Variants in FRRS1 observed in about 807,000 individuals in gnomAD.
FRRS1 encodes ferric chelate reductase 1.
A neutral mutation model predicts 70.7 loss-of-function variants in FRRS1; 51 were observed. That is an observed-to-expected ratio of 0.72 (90% confidence interval 0.58 to 0.91). The LOEUF (loss-of-function observed/expected upper bound fraction) is 0.91, where lower values mean the gene tolerates loss of function less well. FRRS1 is among the 40% of genes least tolerant of loss of function. FRRS1 has a pLI of 0.00. For missense variants in FRRS1, 672 were observed against 726.0 expected, an observed-to-expected ratio of 0.93 and a Z score of 0.86; for synonymous variants, 225 against 238.7, an observed-to-expected ratio of 0.94 and a Z score of 0.53.
intron 1 of FRRS1, among the ~76,000 whole-genome samples, chr1:99,758,664 G>A (rs1031298697): frequency 1.1e-4 from 16 of 152,082 alleles, no homozygotes; most frequent in East Asian, 1.9e-4. Context: ...CAGAATAACT[G>A]ATTTTTAGGG....
chr1:99,728,453 G>A (rs951283494), intron 9 of FRRS1, 40 bp downstream of exon 9: 10 of 1,497,370 alleles, frequency 6.7e-6, no homozygotes, highest in Middle Eastern at 1.8e-4. Flanking sequence ...GAAGAAGAGA[G>A]AAAAAGACAC....
At chr1:99,731,179 A>T (rs1250492711) in intron 7 of FRRS1, among the ~76,000 whole-genome samples, 1 of 152,250 alleles carries the variant, frequency 6.6e-6, no homozygotes, top group African/African-American at 2.4e-5. Flanking sequence ...GGCACAAAGG[A>T]ATAATCTTGA....
intron 1 of FRRS1, among the ~76,000 whole-genome samples, chr1:99,757,950 GAA>G (rs72040433): frequency 2.3e-4 from 18 of 76,886 alleles, no homozygotes; most frequent in Middle Eastern, 7.4e-3. Flanking sequence ...TGCCTGGGAG[GAA>G]AAAAAAAAAA....
intron 10 of FRRS1, among the ~76,000 whole-genome samples, chr1:99,718,891 T>G (rs1309452050): frequency 6.6e-6 from 1 of 152,172 alleles, no homozygotes; most frequent in East Asian, 1.9e-4. Flanking sequence ...CCAGTAACAC[T>G]TGACCCTGGC....
intron 9 of FRRS1, among the ~76,000 whole-genome samples, chr1:99,720,902 G>A (rs1654786589): frequency 6.8e-6 from 1 of 147,094 alleles, no homozygotes; most frequent in African/African-American, 2.5e-5. Context: ...TTCATTCAAG[G>A]TGCATTTAAA....
At chr1:99,748,516 C>A (rs1311004760) in intron 3 of FRRS1, 57 bp downstream of exon 3, 10 of 1,249,742 alleles carry the variant, frequency 8.0e-6, no homozygotes, top group Admixed American at 3.9e-5. Context: ...AATAAAGATT[C>A]AATAAACAGT....
At chr1:99,742,528 C>A (rs768574244) in intron 4 of FRRS1, among the ~76,000 whole-genome samples, 1 of 152,106 alleles carries the variant, frequency 6.6e-6, no homozygotes, top group African/African-American at 2.4e-5. Context: ...ACACTGGGTA[C>A]GTTAACACTA....
chr1:99,765,389 G>C (rs1354185820), intron 1 of FRRS1: 3 of 149,280 alleles, frequency 2.0e-5, no homozygotes, highest in Non-Finnish European at 3.0e-5. Flanking sequence ...ATGACCTGAC[G>C]CTGGGAGTTC....
At chr1:99,757,968 G>GA (rs1656920347) in intron 1 of FRRS1, among the ~76,000 whole-genome samples, 1 of 148,806 alleles carries the variant, frequency 6.7e-6, no homozygotes, top group African/African-American at 2.5e-5. Flanking sequence ...AAAAAACACA[G>GA]AATCACAAAA....
chr1:99,727,596 C>T (rs1257989902), intron 9 of FRRS1, among the ~76,000 whole-genome samples: 2 of 152,226 alleles, frequency 1.3e-5, no homozygotes, highest in Non-Finnish European at 2.9e-5. Context: ...GAATTGTAGG[C>T]TTTTCACAAT....
intron 10 of FRRS1, 136 bp downstream of exon 10, chr1:99,719,398 A>G: frequency 3.8e-6 from 2 of 526,826 alleles, no homozygotes; most frequent in Non-Finnish European, 6.4e-6. Flanking sequence ...ACAGAGCGAG[A>G]CTCCATCTCA....
chr1:99,753,491 G>A (rs1045089813), intron 1 of FRRS1, among the ~76,000 whole-genome samples: 1 of 152,042 alleles, frequency 6.6e-6, no homozygotes, highest in Non-Finnish European at 1.5e-5. Flanking sequence ...TCCCTGGCCG[G>A]GCGCGGTGGC....
intron 1 of FRRS1, among the ~76,000 whole-genome samples, chr1:99,761,029 T>G (rs1312686914): frequency 6.6e-6 from 1 of 152,084 alleles, no homozygotes; most frequent in Non-Finnish European, 1.5e-5. Context: ...AAAAAAACAC[T>G]GGGAAAACAA....
At chr1:99,732,392 A>T (rs1017479377) in intron 7 of FRRS1, among the ~76,000 whole-genome samples, 10 of 152,224 alleles carry the variant, frequency 6.6e-5, no homozygotes, top group Non-Finnish European at 1.2e-4. Flanking sequence ...TGGGAGAAAC[A>T]AAAATGACTT....
chr1:99,743,445 AG>A (rs1443681478), intron 4 of FRRS1, among the ~76,000 whole-genome samples: 3 of 152,236 alleles, frequency 2.0e-5, no homozygotes, highest in African/African-American at 7.2e-5. Context: ...CAAACTGCAT[AG>A]GCTAGAAATA....
rs573255243 is a variant in FRRS1, at chr1:99,758,137, C to T, written c.-106+8470G>A. Among the ~76,000 whole-genome samples, 8 of 152,298 alleles carry T rather than the reference C, an allele frequency of 5.3e-5. No individual in the cohort carries two copies. In the East Asian group the frequency reaches 1.3e-3, roughly 26 times the overall value. ...AGTCAAGTATGCATTGGCTTATGCT[C>T]AGTAAGCTGGCACTTTACATAAGAT... On this transcript the variant is annotated intron_variant, in intron 1 of 16. Coordinates refer to ENST00000646001, the MANE Select transcript of FRRS1 (RefSeq NM_001361041.2).
intron 7 of FRRS1, among the ~76,000 whole-genome samples, chr1:99,731,164 A>G (rs1015186734): frequency 2.0e-5 from 3 of 152,252 alleles, no homozygotes; most frequent in Non-Finnish European, 4.4e-5. Context: ...GTACATTTAA[A>G]CAATGGCACA....
chr1:99,753,417 T>A (rs1656673326), intron 1 of FRRS1, among the ~76,000 whole-genome samples: 1 of 151,464 alleles, frequency 6.6e-6, no homozygotes, highest in South Asian at 2.1e-4. Flanking sequence ...AAGACAAACA[T>A]TCGATTTGTA....
chr1:99,732,970 G>A (rs1655470452), intron 7 of FRRS1, among the ~76,000 whole-genome samples: 2 of 151,480 alleles, frequency 1.3e-5, no homozygotes, highest in Admixed American at 1.3e-4. Context: ...CAGCCTCCCA[G>A]GTATCTGGAA....
Sources: allele counts gnomAD v4.1 joint callset (sites outside exome capture counted in the v4.1 genomes callset), GRCh38; gene constraint gnomAD v4.1.1; transcripts MANE v1.5; gene names NCBI Gene and HGNC (gene_info 2026-07-23, HGNC 2026-07-21).